The following RTL4 variants were observed in gnomAD, a reference collection of about 807,000 sequenced individuals.
The protein encoded by RTL4 is retrotransposon Gag like 4, also known as retrotransposon Gag-like protein 4.
In RTL4, 4 loss-of-function variants were observed where a neutral mutation model predicts 5.3. The ratio of observed to expected loss-of-function variants is 0.75; its 90% CI spans 0.37 to 1.72. RTL4 has a LOEUF of 1.72. Ranked by LOEUF, RTL4 falls within the 40% of genes most tolerant of loss-of-function variation. The pLI is 0.04. For synonymous variants in RTL4, 98 were observed against 87.3 expected, an observed-to-expected ratio of 1.12 and a Z score of -0.68; for missense variants, 260 against 227.1, an observed-to-expected ratio of 1.14 and a Z score of -0.93.
chrX:112,265,690 C>T, the RTL4 span, among the ~76,000 whole-genome samples: 1 of 111,040 alleles, frequency 9.0e-6, no homozygotes, highest in African/African-American at 3.3e-5. Context: ...CCCTTCTTGC[C>T]CCTGATCTTG....
the RTL4 span, among the ~76,000 whole-genome samples, chrX:112,127,372 A>G: frequency 1.8e-5 from 2 of 110,790 alleles, no homozygotes; most frequent in African/African-American, 6.6e-5. Flanking sequence ...AAATTCAACA[A>G]CCATTCATGA....
At chrX:112,208,310 C>A in the RTL4 span, among the ~76,000 whole-genome samples, 1 of 111,800 alleles carries the variant, frequency 8.9e-6, no homozygotes, top group Admixed American at 9.5e-5. Context: ...GTAACCAGTT[C>A]ACAAGACATG....
the RTL4 span, among the ~76,000 whole-genome samples, chrX:112,131,265 T>C: frequency 2.7e-5 from 3 of 110,081 alleles, no homozygotes; most frequent in Non-Finnish European, 3.8e-5. Flanking sequence ...ACTTTTAAGT[T>C]AGTCAAGCAA....
chrX:112,164,527 G>A, the RTL4 span, among the ~76,000 whole-genome samples: 7 of 112,361 alleles, frequency 6.2e-5, no homozygotes, highest in Middle Eastern at 4.6e-3. Flanking sequence ...TGACTTTCCC[G>A]CACACTTGTT....
At chrX:112,426,372 A>G in the RTL4 span, among the ~76,000 whole-genome samples, 1 of 111,529 alleles carries the variant, frequency 9.0e-6, no homozygotes, top group African/African-American at 3.2e-5. Flanking sequence ...GTTCTTCTCC[A>G]TATACATTTT....
the RTL4 span, among the ~76,000 whole-genome samples, chrX:112,347,321 A>T: frequency 8.9e-6 from 1 of 112,069 alleles, no homozygotes; most frequent in African/African-American, 3.2e-5. Flanking sequence ...GATATGCTAT[A>T]GGAGTTGCAA....
the RTL4 span, among the ~76,000 whole-genome samples, chrX:112,150,802 G>A: frequency 8.9e-6 from 1 of 112,136 alleles, no homozygotes; most frequent in African/African-American, 3.2e-5. Context: ...CTTTAATAGA[G>A]GCAAATGTAG....
chrX:112,415,292 T>G, the RTL4 span, among the ~76,000 whole-genome samples: 1 of 111,323 alleles, frequency 9.0e-6, no homozygotes, highest in South Asian at 3.8e-4. Context: ...TATATATGTT[T>G]TGAATCATAG....
the RTL4 span, among the ~76,000 whole-genome samples, chrX:112,230,484 G>A: frequency 8.9e-6 from 1 of 112,276 alleles, no homozygotes; most frequent in Non-Finnish European, 1.9e-5. Flanking sequence ...TCCCGGGTGA[G>A]GCAATGCCTC....
the RTL4 span, among the ~76,000 whole-genome samples, chrX:112,155,637 G>A: frequency 9.0e-6 from 1 of 111,345 alleles, no homozygotes; most frequent in African/African-American, 3.3e-5. Flanking sequence ...GTGGGACTGT[G>A]AAAAAGGCAA....
chrX:112,120,900 T>G, the RTL4 span, among the ~76,000 whole-genome samples: 1 of 111,700 alleles, frequency 9.0e-6, no homozygotes, highest in Admixed American at 9.6e-5. Context: ...ACTTAGTAAG[T>G]GCCTCTTTAT....
chrX:112,386,198 A>G, the RTL4 span, among the ~76,000 whole-genome samples: 1 of 112,205 alleles, frequency 8.9e-6, no homozygotes, highest in Non-Finnish European at 1.9e-5. Context: ...TAATCATATC[A>G]GGGTAAATGG....
the RTL4 span, among the ~76,000 whole-genome samples, chrX:112,116,838 G>A: frequency 9.0e-6 from 1 of 111,475 alleles, no homozygotes; most frequent in African/African-American, 3.3e-5. Context: ...AAATCACTGA[G>A]GGTATATGAT....
the RTL4 span, among the ~76,000 whole-genome samples, chrX:112,443,103 G>C: frequency 3.6e-5 from 4 of 111,214 alleles, no homozygotes; most frequent in African/African-American, 1.3e-4. Flanking sequence ...CCAAACTCTG[G>C]TAACCATCCT....
chrX:112,205,039 G>C, the RTL4 span, among the ~76,000 whole-genome samples: 1 of 111,562 alleles, frequency 9.0e-6, no homozygotes, highest in Non-Finnish European at 1.9e-5. Flanking sequence ...TTGCAACCTT[G>C]CTGATATCTG....
At chrX:112,126,297 T>C in the RTL4 span, among the ~76,000 whole-genome samples, 2 of 112,205 alleles carry the variant, frequency 1.8e-5, no homozygotes, top group African/African-American at 6.5e-5. Context: ...AGTAGTACCT[T>C]AAAGGTACCT....
At chrX:112,205,785 A>G in the RTL4 span, among the ~76,000 whole-genome samples, 1 of 112,119 alleles carries the variant, frequency 8.9e-6, no homozygotes, top group African/African-American at 3.2e-5. Flanking sequence ...TATCTCTACC[A>G]TGTGTTAGCG....
the RTL4 span, among the ~76,000 whole-genome samples, chrX:112,350,350 C>T: frequency 2.8e-5 from 3 of 108,273 alleles, no homozygotes; most frequent in East Asian, 2.9e-4. Context: ...CTCTGCCAGG[C>T]TTTGGTATCA....
the RTL4 span, among the ~76,000 whole-genome samples, chrX:112,160,233 T>C: frequency 8.9e-6 from 1 of 111,865 alleles, no homozygotes; most frequent in East Asian, 2.8e-4. Context: ...ACAGTTTCAT[T>C]GAAATATGTA....
Sources: gnomAD v4.1 joint callset for allele counts (sites outside exome capture counted in the v4.1 genomes callset) on GRCh38, gnomAD v4.1.1 for gene constraint, MANE v1.5 for transcripts, NCBI Gene and HGNC (gene_info 2026-07-23, HGNC 2026-07-21) for gene names.